The following ZNF148 variants were observed in gnomAD, a reference collection of about 807,000 sequenced individuals.
The protein encoded by ZNF148 is zinc finger protein 148.
ZNF148 carries 7 observed loss-of-function variants against 67.7 expected under a neutral mutation model. The observed-to-expected ratio is 0.10, with a 90% CI of 0.06 to 0.19. The LOEUF (loss-of-function observed/expected upper bound fraction) is 0.19, where lower values mean the gene tolerates loss of function less well. Ranked by LOEUF, ZNF148 falls within the 10% of genes least tolerant of loss-of-function variation. The probability of loss-of-function intolerance (pLI) is 1.00; values close to 1 mark genes in which losing one functional copy is unlikely to be tolerated. For missense variants in ZNF148, 583 were observed against 947.1 expected, an observed-to-expected ratio of 0.62 and a Z score of 5.05; for synonymous variants, 333 against 330.7, an observed-to-expected ratio of 1.01 and a Z score of -0.08.
intron 5 of ZNF148, 32 bp downstream of exon 5, chr3:125,288,071 G>A (rs770969026): frequency 1.9e-6 from 3 of 1,613,048 alleles, no homozygotes; most frequent in Non-Finnish European, 2.5e-6. Context: ...GAATTAAGAG[G>A]TTGTGATTAC....
chr3:125,262,175 CATGAAA>C (rs1937373941), intron 7 of ZNF148, among the ~76,000 whole-genome samples: 1 of 152,144 alleles, frequency 6.6e-6, no homozygotes, highest in African/African-American at 2.4e-5. Flanking sequence ...GATATCAATC[CATGAAA>C]ATGTGATTTT....
rs1039891988 is a variant in ZNF148 at position 125,229,336 on chromosome 3, A to G, written c.*3005T>C. On this transcript the variant is annotated 3_prime_UTR_variant, in exon 9 of 9. Coordinates refer to ENST00000360647, the MANE Select transcript of ZNF148 (RefSeq NM_021964.3). ...GGAAACGAAATCCTGCCCTGAGCAC[A>G]ATTCTTGACATAACTGCCTTCTGCC... 1 of 152,022 alleles carries G rather than the reference A, an allele frequency of 6.6e-6. No individual in the cohort carries two copies. The highest frequency in any genetic ancestry group is 2.4e-5 in the African/African-American group (1 of 41,382). The allele number at this position is 152,022 out of a possible 1,614,324, so 9.4% of individuals were successfully genotyped here.
At chr3:125,370,343 C>T (rs372225826) in intron 1 of ZNF148, among the ~76,000 whole-genome samples, 1 of 152,088 alleles carries the variant, frequency 6.6e-6, no homozygotes, top group South Asian at 2.1e-4. Flanking sequence ...GCCTACAATA[C>T]CCCCAAAGTA....
intron 2 of ZNF148, among the ~76,000 whole-genome samples, chr3:125,330,058 G>A (rs567772658): frequency 6.6e-6 from 1 of 151,962 alleles, no homozygotes; most frequent in South Asian, 2.1e-4. Context: ...AATAAACGTG[G>A]GTAAAGAAGT....
rs10565589 is a variant in ZNF148, at chr3:125,328,998, G to GATAT, written c.-153+2156_-153+2159dup. On this transcript the variant is annotated intron_variant, in intron 2 of 8. Coordinates refer to ENST00000360647, the MANE Select transcript of ZNF148 (RefSeq NM_021964.3). Reference sequence around the variant, plus strand: ...TTTTCCCTTCGGAATTTATACTACTGATATATATATATATATATATATCTG... The same window carrying GATAT: ...TTTTCCCTTCGGAATTTATACTACTGATATATATATATATATATATATATATCTG... Among the ~76,000 whole-genome samples the GATAT allele has an allele frequency of 2.2e-3, 323 of 147,466 alleles. 2 individuals carry two copies. In the East Asian group the frequency reaches 0.031, roughly 14 times the overall value.
chr3:125,371,467 C>A (rs1942882554), intron 1 of ZNF148, among the ~76,000 whole-genome samples: 1 of 147,760 alleles, frequency 6.8e-6, no homozygotes, highest in African/African-American at 2.5e-5. Flanking sequence ...GAGATCGAGA[C>A]CATCTACAGT....
chr3:125,240,113 T>TAAATATGC (rs1425741955), intron 7 of ZNF148, among the ~76,000 whole-genome samples: 1 of 152,238 alleles, frequency 6.6e-6, no homozygotes, highest in Admixed American at 6.5e-5. Context: ...ACGTTATTTT[T>TAAATATGC]AAATATGCAT....
chr3:125,263,532 T>C (rs186753700), intron 7 of ZNF148, among the ~76,000 whole-genome samples: 274 of 144,906 alleles, frequency 1.9e-3, no homozygotes, highest in Admixed American at 5.5e-3. Context: ...GCCTAGGAAA[T>C]AGAGTAAGAC....
At position 125,232,305 on chromosome 3, in the gene ZNF148, T is replaced by C; in HGVS notation, c.*36A>G. ...AACCCCACTCTTGATTAATCTGTTC[T>C]AAAGTGCCAGTATTATTTACACTTT... On this transcript the variant is annotated 3_prime_UTR_variant, in exon 9 of 9. Coordinates refer to ENST00000360647, the MANE Select transcript of ZNF148 (RefSeq NM_021964.3). This position sits in a 1 kb window ranked among gnomAD's most constrained non-coding sequence, Gnocchi z 4.2. The C allele has an allele frequency of 6.4e-7, 1 of 1,563,276 alleles. No homozygotes were observed. The highest frequency in any genetic ancestry group is 8.6e-7 in the Non-Finnish European group (1 of 1,158,332).
At chr3:125,272,028 T>A (rs563937079) in intron 7 of ZNF148, among the ~76,000 whole-genome samples, 3 of 152,312 alleles carry the variant, frequency 2.0e-5, no homozygotes, top group African/African-American at 7.2e-5. Context: ...TTCTTTCTGG[T>A]CCTGGCTTCC....
chr3:125,261,835 T>G, intron 7 of ZNF148, among the ~76,000 whole-genome samples: 1 of 151,692 alleles, frequency 6.6e-6, no homozygotes, highest in East Asian at 1.9e-4. Flanking sequence ...GTTTTTTTTT[T>G]TTTTTTTTTA....
chr3:125,296,648 G>A (rs989114147), intron 4 of ZNF148, among the ~76,000 whole-genome samples: 1 of 152,076 alleles, frequency 6.6e-6, no homozygotes, highest in Non-Finnish European at 1.5e-5. Context: ...GACCTATACT[G>A]AGGAAATACT....
At chr3:125,258,175 A>T (rs1052701416) in intron 7 of ZNF148, among the ~76,000 whole-genome samples, 2 of 151,870 alleles carry the variant, frequency 1.3e-5, no homozygotes, top group Admixed American at 1.3e-4. Flanking sequence ...GTAATCCCAG[A>T]ACTTTGGGAG....
chr3:125,324,721 AAT>A (rs1254885653), intron 2 of ZNF148, among the ~76,000 whole-genome samples: 1 of 152,220 alleles, frequency 6.6e-6, no homozygotes, highest in African/African-American at 2.4e-5. Context: ...AAAAAGAATA[AAT>A]AGTCTTTCCC....
intron 7 of ZNF148, among the ~76,000 whole-genome samples, chr3:125,243,863 T>C (rs1197955929): frequency 2.0e-5 from 3 of 152,184 alleles, no homozygotes; most frequent in African/African-American, 7.2e-5. Flanking sequence ...AAATGACTGA[T>C]ATCTATTTTT....
intron 7 of ZNF148, among the ~76,000 whole-genome samples, chr3:125,271,049 TTAAA>T (rs1419054903): frequency 2.0e-5 from 3 of 152,242 alleles, no homozygotes; most frequent in African/African-American, 7.2e-5. Context: ...CATAAAAATA[TTAAA>T]TATTATACAA....
intron 1 of ZNF148, among the ~76,000 whole-genome samples, chr3:125,340,738 G>C (rs1941679856): frequency 6.6e-6 from 1 of 152,070 alleles, no homozygotes; most frequent in Non-Finnish European, 1.5e-5. Context: ...TGTAATCCCA[G>C]CACTTTGGGA....
At chr3:125,261,316 C>G (rs111738738) in intron 7 of ZNF148, among the ~76,000 whole-genome samples, 6 of 152,248 alleles carry the variant, frequency 3.9e-5, no homozygotes, top group African/African-American at 1.4e-4. Context: ...GAAATCATTT[C>G]CAGAAGTCAT....
chr3:125,287,373 T>A (rs1938717426), intron 5 of ZNF148, among the ~76,000 whole-genome samples: 3 of 152,212 alleles, frequency 2.0e-5, no homozygotes, highest in South Asian at 4.1e-4. Context: ...GAGTGGTGGC[T>A]CACGCCTGTA....
Sources: allele counts gnomAD v4.1 joint callset (sites outside exome capture counted in the v4.1 genomes callset), GRCh38; gene constraint gnomAD v4.1.1; non-coding constraint Gnocchi (gnomAD v3.1); transcripts MANE v1.5; gene names NCBI Gene and HGNC (gene_info 2026-07-23, HGNC 2026-07-21).